The following SPMIP4 variants were observed in gnomAD, a reference collection of about 807,000 sequenced individuals.
SPMIP4 encodes sperm-associated microtubule inner protein 4.
the SPMIP4 span, among the ~76,000 whole-genome samples, chr7:25,131,288 T>C: frequency 6.6e-6 from 1 of 152,190 alleles, no homozygotes; most frequent in African/African-American, 2.4e-5. This position sits in a 1 kb window ranked among gnomAD's most constrained non-coding sequence, Gnocchi z 4.2. Context: ...TGATTCTACA[T>C]TATGGTGAGT....
the SPMIP4 span, among the ~76,000 whole-genome samples, chr7:25,160,159 C>G: frequency 1.3e-5 from 2 of 151,836 alleles, no homozygotes; most frequent in African/African-American, 4.8e-5. Flanking sequence ...AGGGATAAAC[C>G]GAGACAACCA....
chr7:25,129,094 T>C, the SPMIP4 span, among the ~76,000 whole-genome samples: 1 of 152,244 alleles, frequency 6.6e-6, no homozygotes, highest in African/African-American at 2.4e-5. Flanking sequence ...CAGCAGTGCC[T>C]GTGGCTTGGA....
At chr7:25,136,714 G>A in the SPMIP4 span, 1 of 1,614,180 alleles carries the variant, frequency 6.2e-7, no homozygotes, top group South Asian at 1.1e-5. This position sits in a 1 kb window ranked among gnomAD's most constrained non-coding sequence, Gnocchi z 5.7. Context: ...AGCCTCCAGA[G>A]AACGTCGGTT....
At chr7:25,148,503 G>C in the SPMIP4 span, among the ~76,000 whole-genome samples, 7 of 90,206 alleles carry the variant, frequency 7.8e-5, no homozygotes, top group African/African-American at 2.0e-4. Context: ...TTGAGACAGA[G>C]TCTGACTCTC....
At chr7:25,172,823 T>C in the SPMIP4 span, among the ~76,000 whole-genome samples, 1 of 152,072 alleles carries the variant, frequency 6.6e-6, no homozygotes, top group African/African-American at 2.4e-5. The surrounding 1 kb of genome is among the most constrained non-coding windows in gnomAD (Gnocchi z 4.2). Flanking sequence ...AGAGTTGATA[T>C]AGAATTCTAG....
chr7:25,138,764 CAT>C, the SPMIP4 span, among the ~76,000 whole-genome samples: 2 of 152,178 alleles, frequency 1.3e-5, no homozygotes, highest in Non-Finnish European at 1.5e-5. This position sits in a 1 kb window ranked among gnomAD's most constrained non-coding sequence, Gnocchi z 6.2. Context: ...AAAACAAAAA[CAT>C]ATGTCCATAC....
the SPMIP4 span, among the ~76,000 whole-genome samples, chr7:25,126,912 G>A: frequency 6.6e-6 from 1 of 152,134 alleles, no homozygotes; most frequent in Non-Finnish European, 1.5e-5. Flanking sequence ...GCCTGGGAAA[G>A]TCTTTATTTC....
At chr7:25,175,955 TG>T in the SPMIP4 span, among the ~76,000 whole-genome samples, 182 of 152,332 alleles carry the variant, frequency 1.2e-3, 1 homozygote, top group Non-Finnish European at 7.1e-4. Context: ...TGAGAACACA[TG>T]ATCATCCTGG....
chr7:25,173,666 T>C, the SPMIP4 span, among the ~76,000 whole-genome samples: 2 of 152,212 alleles, frequency 1.3e-5, no homozygotes, highest in Non-Finnish European at 1.5e-5. This position sits in a 1 kb window ranked among gnomAD's most constrained non-coding sequence, Gnocchi z 4.4. Context: ...TTGGGGGACA[T>C]GACAAGTGAA....
the SPMIP4 span, chr7:25,158,466 A>G: frequency 2.6e-6 from 4 of 1,536,614 alleles, no homozygotes; most frequent in Non-Finnish European, 3.6e-6. Context: ...TTCTTTGATT[A>G]TAACAGAGAA....
At chr7:25,173,745 A>C in the SPMIP4 span, among the ~76,000 whole-genome samples, 1 of 152,238 alleles carries the variant, frequency 6.6e-6, no homozygotes, top group African/African-American at 2.4e-5. The surrounding 1 kb of genome is among the most constrained non-coding windows in gnomAD (Gnocchi z 4.4). Context: ...AGTTACATTC[A>C]AAACCTAAAT....
chr7:25,139,178 A>G, the SPMIP4 span, among the ~76,000 whole-genome samples: 107 of 152,358 alleles, frequency 7.0e-4, no homozygotes, highest in Admixed American at 1.5e-3. Context: ...AAAAACCGCA[A>G]ACAAATATTG....
At chr7:25,177,665 T>G in the SPMIP4 span, among the ~76,000 whole-genome samples, 1 of 152,208 alleles carries the variant, frequency 6.6e-6, no homozygotes, top group Non-Finnish European at 1.5e-5. Context: ...TATCTGTTAT[T>G]TCATATGTAA....
chr7:25,130,458 G>A, the SPMIP4 span, among the ~76,000 whole-genome samples: 1 of 151,770 alleles, frequency 6.6e-6, no homozygotes. Context: ...GATTACAGGT[G>A]TGTGCCACCA....
chr7:25,161,178 C>A, the SPMIP4 span: 3 of 1,498,096 alleles, frequency 2.0e-6, no homozygotes, highest in East Asian at 7.1e-5. Context: ...AGGAAAAAAA[C>A]CCAGACTTAC....
At chr7:25,144,960 G>GT in the SPMIP4 span, among the ~76,000 whole-genome samples, 122,948 of 145,736 alleles carry the variant, frequency 0.84, 51,934 homozygotes, top group Non-Finnish European at 0.88. Flanking sequence ...AAGAAGGACT[G>GT]TTTTTTTTTT....
At chr7:25,155,951 T>C in the SPMIP4 span, among the ~76,000 whole-genome samples, 2 of 152,234 alleles carry the variant, frequency 1.3e-5, no homozygotes, top group Non-Finnish European at 1.5e-5. Context: ...CAAGTGTTTA[T>C]GTGTTGAATT....
At chr7:25,166,976 G>GT in the SPMIP4 span, among the ~76,000 whole-genome samples, 9 of 152,188 alleles carry the variant, frequency 5.9e-5, no homozygotes, top group African/African-American at 2.2e-4. Flanking sequence ...GTCACATTCA[G>GT]TAAGAGATCA....
At chr7:25,158,866 A>AT in the SPMIP4 span, among the ~76,000 whole-genome samples, 786 of 131,936 alleles carry the variant, frequency 6.0e-3, 9 homozygotes, top group African/African-American at 0.023. Context: ...AAAAAAAAAA[A>AT]AATAATAATA....
Sources: gnomAD v4.1 joint callset for allele counts (sites outside exome capture counted in the v4.1 genomes callset) on GRCh38, gnomAD v4.1.1 for gene constraint, Gnocchi (gnomAD v3.1) non-coding constraint, MANE v1.5 for transcripts, NCBI Gene and HGNC (gene_info 2026-07-23, HGNC 2026-07-21) for gene names.